PIK3AP1: variants seen among roughly 807,000 people sequenced by gnomAD.
PIK3AP1 encodes phosphoinositide 3-kinase adapter protein 1.
In PIK3AP1, 21 loss-of-function variants were observed where a neutral mutation model predicts 88.1. The ratio of observed to expected loss-of-function variants is 0.24; its 90% CI spans 0.17 to 0.34. PIK3AP1 has a LOEUF of 0.34. Among genes scored for constraint, PIK3AP1 ranks in the 10% least tolerant of loss-of-function variants. PIK3AP1 has a pLI of 1.00. For missense variants in PIK3AP1, 828 were observed against 1,035.7 expected (o/e 0.80, Z 2.75); for synonymous variants, 398 against 400.0 (o/e 1.00, Z 0.06).
intron 6 of PIK3AP1, among the ~76,000 whole-genome samples, chr10:96,650,018 A>G (rs1046740893): frequency 3.3e-5 from 5 of 152,230 alleles, no homozygotes; most frequent in Admixed American, 6.5e-5. Flanking sequence ...ATTTTTTAAC[A>G]TGACAAACCC....
intron 16 of PIK3AP1, among the ~76,000 whole-genome samples, chr10:96,598,044 G>GTTT (rs34971365): frequency 1.1e-4 from 13 of 115,920 alleles, no homozygotes; most frequent in African/African-American, 3.8e-4. Context: ...TTTTTTTGTT[G>GTTT]TTTTTTTTTT....
At chr10:96,606,002 G>A (rs1485062947) in intron 14 of PIK3AP1, among the ~76,000 whole-genome samples, 1 of 152,204 alleles carries the variant, frequency 6.6e-6, no homozygotes, top group Non-Finnish European at 1.5e-5. Context: ...AGAACTGCTT[G>A]AACCCGGGAG....
At position 96,595,454 on chromosome 10, in the gene PIK3AP1, C is replaced by T. The variant is rs1041722876; in HGVS notation, c.*123G>A. ...CAAACCAGCAGGGCTGCAGCATTATCAGCAATGAGAATGGATCTTAAGGTC... is the reference window on the plus strand; with the variant it reads ...CAAACCAGCAGGGCTGCAGCATTATTAGCAATGAGAATGGATCTTAAGGTC... On this transcript the variant is annotated 3_prime_UTR_variant, in exon 17 of 17. Transcript: ENST00000339364. 13 of 1,080,534 alleles carry T rather than the reference C, an allele frequency of 1.2e-5. No homozygotes were observed. The highest frequency in any genetic ancestry group is 1.6e-5 in the Non-Finnish European group (12 of 730,780). 66.9% of individuals were successfully genotyped at this position (1,080,534 alleles called of 1,614,324 possible). A position where few individuals can be genotyped will look rare whatever the true frequency, so the allele number is the denominator to read the frequency against.
intron 2 of PIK3AP1, 39 bp downstream of exon 2, chr10:96,709,528 C>T: frequency 1.3e-6 from 2 of 1,557,392 alleles, no homozygotes; most frequent in African/African-American, 1.4e-5. Context: ...GGATTAGCAA[C>T]TTTTCTAGGG....
At chr10:96,708,997 G>A (rs1488400083) in intron 2 of PIK3AP1, among the ~76,000 whole-genome samples, 1 of 151,786 alleles carries the variant, frequency 6.6e-6, no homozygotes, top group Non-Finnish European at 1.5e-5. Flanking sequence ...GCCAAGCATG[G>A]TGGCACACAC....
intron 1 of PIK3AP1, among the ~76,000 whole-genome samples, chr10:96,716,924 G>T (rs1477007899): frequency 6.6e-6 from 1 of 152,136 alleles, no homozygotes; most frequent in Admixed American, 6.6e-5. Context: ...AGTCCATGGG[G>T]TGAAAAGCTG....
At chr10:96,685,051 C>A (rs1176055087) in intron 2 of PIK3AP1, among the ~76,000 whole-genome samples, 1 of 152,076 alleles carries the variant, frequency 6.6e-6, no homozygotes, top group African/African-American at 2.4e-5. Flanking sequence ...GTGGCTTTTG[C>A]GGAGGAAGGA....
chr10:96,695,259 C>G (rs1453334576), intron 2 of PIK3AP1, among the ~76,000 whole-genome samples: 1 of 152,164 alleles, frequency 6.6e-6, no homozygotes, highest in East Asian at 1.9e-4. Flanking sequence ...ATGCCAGATC[C>G]TGCAACAGAA....
intron 8 of PIK3AP1, among the ~76,000 whole-genome samples, chr10:96,641,504 A>G (rs1422139838): frequency 6.6e-6 from 1 of 152,196 alleles, no homozygotes; most frequent in Non-Finnish European, 1.5e-5. Context: ...TTCAGCCTCC[A>G]GGGTTACCAC....
At chr10:96,629,486 T>C (rs1843207509) in intron 8 of PIK3AP1, among the ~76,000 whole-genome samples, 1 of 151,972 alleles carries the variant, frequency 6.6e-6, no homozygotes, top group Non-Finnish European at 1.5e-5. Flanking sequence ...AATCTGAAGA[T>C]TCAGAATCTT....
At chr10:96,653,474 A>T (rs1202056366) in intron 3 of PIK3AP1, among the ~76,000 whole-genome samples, 4 of 131,664 alleles carry the variant, frequency 3.0e-5, no homozygotes, top group Admixed American at 2.4e-4. Context: ...CCGATACTTT[A>T]TACACTTTTT....
rs574078033 is a variant in PIK3AP1 at position 96,700,901 on chromosome 10, C to G, written c.430+8666G>C. On this transcript the variant is annotated intron_variant, in intron 2 of 16. Coordinates refer to ENST00000339364, the MANE Select transcript of PIK3AP1 (RefSeq NM_152309.3). ...TCTCTCAGGGCTGCTGCCTGTGACG[C>G]GCCAAGGCCAGGCTCTGAGCCCCTT... 6.1e-6 allele frequency: 6 copies of G among 984,960 alleles called. No individual in the cohort carries two copies. In the East Asian group the frequency reaches 5.7e-4, roughly 93 times the overall value. The allele number at this position is 984,960 out of a possible 1,614,324, so 61.0% of individuals were successfully genotyped here.
intron 2 of PIK3AP1, among the ~76,000 whole-genome samples, chr10:96,673,230 A>G (rs1167407883): frequency 6.6e-6 from 1 of 152,184 alleles, no homozygotes; most frequent in Non-Finnish European, 1.5e-5. Context: ...CTTCCCCACC[A>G]TGGTAAATGG....
intron 12 of PIK3AP1, among the ~76,000 whole-genome samples, chr10:96,617,549 G>A (rs897684776): frequency 1.3e-5 from 2 of 152,176 alleles, no homozygotes; most frequent in African/African-American, 4.8e-5. Flanking sequence ...TAAGGTTCTA[G>A]TGAACTAGAG....
intron 8 of PIK3AP1, among the ~76,000 whole-genome samples, chr10:96,630,052 A>C (rs1434113051): frequency 1.3e-5 from 2 of 152,132 alleles, no homozygotes; most frequent in Non-Finnish European, 2.9e-5. Flanking sequence ...GATAAGTAAT[A>C]CAGAAAGATA....
chr10:96,686,226 G>A (rs775234149), intron 2 of PIK3AP1, among the ~76,000 whole-genome samples: 1 of 152,108 alleles, frequency 6.6e-6, no homozygotes. Context: ...CTGCTTCAGC[G>A]GAGAACTAAC....
At chr10:96,625,549 C>CT (rs1236434415) in intron 10 of PIK3AP1, among the ~76,000 whole-genome samples, 1 of 152,228 alleles carries the variant, frequency 6.6e-6, no homozygotes, top group African/African-American at 2.4e-5. Flanking sequence ...GGGACATACA[C>CT]TAAAAACTCA....
At chr10:96,687,022 C>T (rs913837853) in intron 2 of PIK3AP1, among the ~76,000 whole-genome samples, 7 of 151,652 alleles carry the variant, frequency 4.6e-5, no homozygotes, top group South Asian at 4.2e-4. Flanking sequence ...CCTTTCAGAC[C>T]GAGGCGGGTG....
At chr10:96,703,128 G>A (rs1003126602) in intron 2 of PIK3AP1, among the ~76,000 whole-genome samples, 16 of 151,996 alleles carry the variant, frequency 1.1e-4, no homozygotes, top group Admixed American at 2.0e-4. Flanking sequence ...TCTGTTCCCC[G>A]CAGTCTCCCA....
Sources: allele counts gnomAD v4.1 joint callset (sites outside exome capture counted in the v4.1 genomes callset), GRCh38; gene constraint gnomAD v4.1.1; transcripts MANE v1.5; gene names NCBI Gene and HGNC (gene_info 2026-07-23, HGNC 2026-07-21).